The following ZNF600 variants were observed in gnomAD, a reference collection of about 807,000 sequenced individuals.
ZNF600 encodes the protein zinc finger protein 600.
ZNF600 carries 4 observed loss-of-function variants against 7.3 expected under a neutral mutation model. The ratio of observed to expected loss-of-function variants is 0.55; its 90% CI spans 0.27 to 1.25. The LOEUF (loss-of-function observed/expected upper bound fraction) is 1.25, where lower values mean the gene tolerates loss of function less well. Among genes scored for constraint, ZNF600 ranks in the 50% most tolerant of loss-of-function variants. The pLI is 0.12. For missense variants in ZNF600, 911 were observed against 922.1 expected (o/e 0.99, Z 0.16); for synonymous variants, 290 against 308.9 (o/e 0.94, Z 0.64).
the ZNF600 span, chr19:52,814,452 C>T: frequency 6.9e-5 from 10 of 145,602 alleles, no homozygotes; most frequent in Non-Finnish European, 1.2e-4. Context: ...AAATTAGCCA[C>T]GGGTGATGGC....
intron 2 of ZNF600, among the ~76,000 whole-genome samples, chr19:52,777,845 T>G (rs1315654519): frequency 6.6e-6 from 1 of 151,882 alleles, no homozygotes; most frequent in African/African-American, 2.4e-5. Flanking sequence ...AGTAAATAAA[T>G]AGATAGAGAG....
chr19:52,813,467 G>C, the ZNF600 span, among the ~76,000 whole-genome samples: 1 of 121,044 alleles, frequency 8.3e-6, no homozygotes. Context: ...GCTGCTCCAG[G>C]GTAGGCGGGC....
intron 2 of ZNF600, among the ~76,000 whole-genome samples, chr19:52,775,959 T>A (rs2062671364): frequency 1.3e-5 from 2 of 151,416 alleles, no homozygotes; most frequent in South Asian, 4.2e-4. Context: ...TGTGCCAATA[T>A]CATGCCACTG....
chr19:52,775,308 T>C (rs1234691344), intron 2 of ZNF600, among the ~76,000 whole-genome samples: 1 of 151,766 alleles, frequency 6.6e-6, no homozygotes, highest in Non-Finnish European at 1.5e-5. Context: ...TCCCAGCACT[T>C]TGGGAGACCA....
At chr19:52,783,824 CTT>C (rs1055823296) in intron 1 of ZNF600, among the ~76,000 whole-genome samples, 1 of 151,882 alleles carries the variant, frequency 6.6e-6, no homozygotes, top group African/African-American at 2.4e-5. Context: ...GAGTTTCGCT[CTT>C]GTTGCCCACG....
chr19:52,764,387 T>C (rs1261537179), downstream of ZNF600: 2 of 152,140 alleles, frequency 1.3e-5, no homozygotes, highest in African/African-American at 4.8e-5. Context: ...AACTTTTGTA[T>C]TTTTAGTAGA....
At chr19:52,776,034 GTT>G (rs1568630825) in intron 2 of ZNF600, among the ~76,000 whole-genome samples, 2 of 142,338 alleles carry the variant, frequency 1.4e-5, no homozygotes. Context: ...ACCAAAAACT[GTT>G]ATGATGACAG....
chr19:52,810,882 TCCCC>T, the ZNF600 span, among the ~76,000 whole-genome samples: 42 of 5,078 alleles, frequency 8.3e-3, no homozygotes, highest in Middle Eastern at 0.12. Context: ...CCCCTCCCCC[TCCCC>T]CTCCCCCTCC....
At chr19:52,831,039 G>A in the ZNF600 span, among the ~76,000 whole-genome samples, 3 of 152,060 alleles carry the variant, frequency 2.0e-5, no homozygotes, top group African/African-American at 4.8e-5. Flanking sequence ...ATGGTGACCT[G>A]AGGTGAAAGC....
upstream of ZNF600, among the ~76,000 whole-genome samples, chr19:52,791,269 G>C (rs1031693506): frequency 6.6e-6 from 1 of 152,186 alleles, no homozygotes; most frequent in African/African-American, 2.4e-5. Context: ...GTCTGGGTGT[G>C]AGCCCTTCCC....
chr19:52,804,470 C>A, the ZNF600 span, among the ~76,000 whole-genome samples: 144 of 152,124 alleles, frequency 9.5e-4, 2 homozygotes, highest in African/African-American at 3.3e-3. Flanking sequence ...TCCTGGGTTC[C>A]AGTGATTCTC....
At chr19:52,769,365 C>A (rs113300277) in intron 3 of ZNF600, among the ~76,000 whole-genome samples, 2 of 152,130 alleles carry the variant, frequency 1.3e-5, no homozygotes, top group Non-Finnish European at 2.9e-5. Context: ...ATAACAGTAG[C>A]AAAATGAGTG....
the ZNF600 span, chr19:52,798,704 T>C: frequency 2.2e-6 from 1 of 454,458 alleles, no homozygotes; most frequent in South Asian, 1.8e-5. Context: ...CTCTCCAGCA[T>C]GAGTTCGATG....
upstream of ZNF600, among the ~76,000 whole-genome samples, chr19:52,787,878 G>T (rs28691276): frequency 1.9e-5 from 2 of 104,462 alleles, no homozygotes; most frequent in African/African-American, 3.8e-5. Context: ...AAAAGAAAAA[G>T]AAAAAGAAAA....
rs531482432 is a variant in ZNF600 at position 52,777,069 on chromosome 19, C to G, written c.63+1757G>C. Among the ~76,000 whole-genome samples, 10 of 152,202 alleles carry G rather than the reference C, an allele frequency of 6.6e-5. 1 individual carries two copies. Among genetic ancestry groups the G allele is most frequent in the South Asian group, 4.2e-4 (2 of 4,818 alleles). Reference sequence around the variant, plus strand: ...CTGATGCCTATCTCCACTTTCCACTCCATCCCAAGTCATTAAAAGTGCAGA... The same window carrying G: ...CTGATGCCTATCTCCACTTTCCACTGCATCCCAAGTCATTAAAAGTGCAGA... On this transcript the variant is annotated intron_variant, in intron 2 of 3. Coordinates refer to ENST00000648973, the Ensembl canonical transcript of ZNF600.
the ZNF600 span, chr19:52,801,037 G>A: frequency 1.2e-6 from 2 of 1,613,980 alleles, no homozygotes; most frequent in African/African-American, 1.3e-5. Context: ...CACTTGTAAG[G>A]TTTCTCATCA....
chr19:52,786,158 G>A (rs1244498328), intron 1 of ZNF600, among the ~76,000 whole-genome samples: 1 of 152,112 alleles, frequency 6.6e-6, no homozygotes, highest in Non-Finnish European at 1.5e-5. Context: ...AGGGGGTGGA[G>A]CTGGACAGGA....
chr19:52,767,620 A>G (rs771666574), exon 4 of ZNF600: 2 of 1,613,722 alleles, frequency 1.2e-6, no homozygotes, highest in South Asian at 1.1e-5. Flanking sequence ...TGACACTGAA[A>G]CTCAATATCA....
At chr19:52,816,872 A>AT in the ZNF600 span, among the ~76,000 whole-genome samples, 5 of 136,078 alleles carry the variant, frequency 3.7e-5, no homozygotes, top group African/African-American at 1.4e-4. Flanking sequence ...AATAATAATA[A>AT]AACGTGGAAT....
Sources: gnomAD v4.1 joint callset for allele counts (sites outside exome capture counted in the v4.1 genomes callset) on GRCh38, gnomAD v4.1.1 for gene constraint, MANE v1.5 for transcripts, NCBI Gene and HGNC (gene_info 2026-07-23, HGNC 2026-07-21) for gene names.